TMEM132B: variants seen among roughly 807,000 people sequenced by gnomAD.
The protein encoded by TMEM132B is transmembrane protein 132B.
A neutral mutation model predicts 90.8 loss-of-function variants in TMEM132B; 18 were observed. That is an observed-to-expected ratio of 0.20 (90% confidence interval 0.14 to 0.29). The LOEUF is 0.29. Ranked by LOEUF, TMEM132B falls within the 10% of genes least tolerant of loss-of-function variation. TMEM132B has a pLI of 1.00. For synonymous variants in TMEM132B, 504 were observed against 523.3 expected (o/e 0.96, Z 0.50); for missense variants, 1,096 against 1,326.8 (o/e 0.83, Z 2.70).
intron 1 of TMEM132B, among the ~76,000 whole-genome samples, chr12:125,247,979 A>G (rs4765029): frequency 0.86 from 130,923 of 152,238 alleles, 56,392 homozygotes; most frequent in East Asian, 0.96. Context: ...CTTTGGGGAC[A>G]CATCCTTCAG....
At chr12:125,582,965 C>T (rs1353784075) in intron 4 of TMEM132B, among the ~76,000 whole-genome samples, 1 of 151,774 alleles carries the variant, frequency 6.6e-6, no homozygotes, top group Non-Finnish European at 1.5e-5. Context: ...TCAGATCATT[C>T]CATGTCCATG....
Position 125,560,058 on chromosome 12 carries a change from C to T in TMEM132B, c.1294-23793C>T, listed in dbSNP as rs1004867949. Among the ~76,000 whole-genome samples, 7 of 152,284 alleles carry T rather than the reference C, an allele frequency of 4.6e-5. 1 individual carries two copies. In the East Asian group the frequency reaches 5.8e-4, roughly 13 times the overall value. On this transcript the variant is annotated intron_variant, in intron 4 of 8. Coordinates refer to ENST00000682704, the MANE Select transcript of TMEM132B (RefSeq NM_001366854.1). ...CTACCAAGCCAGAGGCTGCTGCCAGCGTCAGACCTGGTGTCCACCGAGGGC... is the reference window on the plus strand; with the variant it reads ...CTACCAAGCCAGAGGCTGCTGCCAGTGTCAGACCTGGTGTCCACCGAGGGC...
At chr12:125,562,638 T>G (rs1884561786) in intron 4 of TMEM132B, among the ~76,000 whole-genome samples, 1 of 152,172 alleles carries the variant, frequency 6.6e-6, no homozygotes, top group African/African-American at 2.4e-5. Flanking sequence ...GAATTGTAGC[T>G]CTCATAACCC....
intron 4 of TMEM132B, among the ~76,000 whole-genome samples, chr12:125,578,938 CTATTT>C (rs1183178153): frequency 1.3e-5 from 2 of 152,140 alleles, no homozygotes; most frequent in South Asian, 4.1e-4. Context: ...TGAGTTTATT[CTATTT>C]TGAGTTCGCT....
At chr12:125,355,620 A>T (rs1002353818) in intron 2 of TMEM132B, among the ~76,000 whole-genome samples, 5 of 152,172 alleles carry the variant, frequency 3.3e-5, no homozygotes, top group Admixed American at 1.3e-4. Context: ...TCTCGAAATA[A>T]GATACTTTTC....
At chr12:125,274,215 G>T (rs932149348) in intron 1 of TMEM132B, among the ~76,000 whole-genome samples, 2 of 152,070 alleles carry the variant, frequency 1.3e-5, no homozygotes, top group Non-Finnish European at 2.9e-5. Flanking sequence ...GAAATGTGTC[G>T]CAGTGATTCA....
Position 125,419,651 on chromosome 12 carries a change from T to C in TMEM132B, c.1106+3974T>C, listed in dbSNP as rs111270395. Among the ~76,000 whole-genome samples the C allele has an allele frequency of 7.6e-3, 1,157 of 152,254 alleles. 15 individuals carry two copies. The highest frequency in any genetic ancestry group is 0.027 in the African/African-American group (1,103 of 41,542). On this transcript the variant is annotated intron_variant, in intron 3 of 8. Transcript: ENST00000682704. Reference sequence around the variant, plus strand: ...TTCCATCCCTGGCCCTTCCCAAATCTCGTGTCCTCACATTTCAAAACCAGT... The same window carrying C: ...TTCCATCCCTGGCCCTTCCCAAATCCCGTGTCCTCACATTTCAAAACCAGT...
chr12:125,539,683 C>T (rs972530872), intron 4 of TMEM132B, among the ~76,000 whole-genome samples: 8 of 152,190 alleles, frequency 5.3e-5, no homozygotes, highest in Non-Finnish European at 1.0e-4. Flanking sequence ...TTTGATATGT[C>T]TAGACTCTCT....
intron 1 of TMEM132B, among the ~76,000 whole-genome samples, chr12:125,314,056 T>C (rs1214299212): frequency 6.6e-6 from 1 of 152,078 alleles, no homozygotes; most frequent in East Asian, 1.9e-4. Flanking sequence ...TGGTCTCTGT[T>C]CTTGTCATCC....
At chr12:125,384,065 G>C (rs1878759080) in intron 2 of TMEM132B, among the ~76,000 whole-genome samples, 1 of 152,140 alleles carries the variant, frequency 6.6e-6, no homozygotes, top group Admixed American at 6.5e-5. Context: ...TCCTGCCTCA[G>C]CTTCCCAAGT....
intron 1 of TMEM132B, among the ~76,000 whole-genome samples, chr12:125,243,399 C>T (rs752804587): frequency 3.6e-4 from 55 of 151,804 alleles, no homozygotes; most frequent in Middle Eastern, 3.4e-3. Context: ...CTCTGCCTCC[C>T]GGGTTCCAGC....
intron 1 of TMEM132B, among the ~76,000 whole-genome samples, chr12:125,266,429 C>T (rs1874698271): frequency 6.6e-6 from 1 of 152,188 alleles, no homozygotes; most frequent in African/African-American, 2.4e-5. Context: ...ATTACCTTCC[C>T]TTTAAAATCA....
intron 5 of TMEM132B, among the ~76,000 whole-genome samples, chr12:125,590,692 G>A (rs984992006): frequency 2.0e-5 from 3 of 152,172 alleles, no homozygotes; most frequent in East Asian, 1.9e-4. Context: ...ACTTCTATCC[G>A]TAGGAGCTTA....
At chr12:125,397,074 C>A (rs1879189392) in intron 2 of TMEM132B, among the ~76,000 whole-genome samples, 1 of 151,914 alleles carries the variant, frequency 6.6e-6, no homozygotes, top group South Asian at 2.1e-4. Context: ...CAGGTTCAAG[C>A]AATTCCCCTG....
intron 2 of TMEM132B, among the ~76,000 whole-genome samples, chr12:125,392,560 C>T (rs1879055705): frequency 6.6e-6 from 1 of 152,128 alleles, no homozygotes; most frequent in Non-Finnish European, 1.5e-5. Context: ...TGCTCTTAGC[C>T]CCTTCATGAT....
In TMEM132B at chr12:125,277,947, C is replaced by T. The variant is rs189049096; in HGVS notation, c.68-71505C>T. On this transcript the variant is annotated intron_variant, in intron 1 of 8. Coordinates refer to ENST00000682704, the MANE Select transcript of TMEM132B (RefSeq NM_001366854.1). This position sits in a 1 kb window ranked among gnomAD's most constrained non-coding sequence, Gnocchi z 4.3. The stretch of plus-strand genomic sequence containing the variant: ...AAAGTCTGGAACTCTGCAGTGTGCC[C>T]AAGTCACCACCACTTCCAGTTGTCC... 1.3e-5 allele frequency among the ~76,000 whole-genome samples: 2 copies of T among 152,326 alleles called. No homozygotes were observed. Among genetic ancestry groups the T allele is most frequent in the African/African-American group, 4.8e-5 (2 of 41,572 alleles).
intron 1 of TMEM132B, among the ~76,000 whole-genome samples, chr12:125,268,533 A>C (rs1368221748): frequency 6.6e-6 from 1 of 152,240 alleles, no homozygotes; most frequent in Non-Finnish European, 1.5e-5. Flanking sequence ...TCCATAAAAG[A>C]TTGCTAAGTG....
chr12:125,539,240 ACT>A (rs1469222673), intron 4 of TMEM132B, among the ~76,000 whole-genome samples: 1 of 151,684 alleles, frequency 6.6e-6, no homozygotes, highest in Non-Finnish European at 1.5e-5. Flanking sequence ...CTCTTCCCTC[ACT>A]TCTCATCCCT....
chr12:125,374,090 C>G (rs1305091121), intron 2 of TMEM132B, among the ~76,000 whole-genome samples: 2 of 152,230 alleles, frequency 1.3e-5, no homozygotes, highest in Non-Finnish European at 2.9e-5. Flanking sequence ...CCACCACATC[C>G]AGCCAAGAGC....
Sources: allele counts gnomAD v4.1 joint callset (sites outside exome capture counted in the v4.1 genomes callset), GRCh38; gene constraint gnomAD v4.1.1; non-coding constraint Gnocchi (gnomAD v3.1); transcripts MANE v1.5; gene names NCBI Gene and HGNC (gene_info 2026-07-23, HGNC 2026-07-21).